CPT1B: variants seen among roughly 807,000 people sequenced by gnomAD.
CPT1B encodes carnitine palmitoyltransferase 1B.
A neutral mutation model predicts 92.7 loss-of-function variants in CPT1B; 57 were observed. The observed-to-expected ratio is 0.62, with a 90% CI of 0.50 to 0.77. CPT1B has a LOEUF of 0.77. CPT1B is among the 30% of genes least tolerant of loss of function. CPT1B has a pLI of 0.00. For missense variants in CPT1B, 983 were observed against 1,017.4 expected, an observed-to-expected ratio of 0.97 and a Z score of 0.46; for synonymous variants, 398 against 383.5, an observed-to-expected ratio of 1.04 and a Z score of -0.44.
rs778951761 is a variant in CPT1B at position 50,574,456 on chromosome 22, C to G, written c.885+37G>C. 4 of 1,613,536 alleles carry G rather than the reference C, an allele frequency of 2.5e-6. No homozygotes were observed. The African/African-American group carries it at 5.3e-5, about 22-fold the overall frequency. On this transcript the variant is annotated intron_variant, in intron 8 of 19. Transcript: ENST00000312108. ...CCCAGCATGGCTCAGACTCAGGTCT[C>G]CCCTCCCATCCCACCTTCAACCCTG...
At position 50,576,106 on chromosome 22, in the gene CPT1B, C is replaced by G. The variant is rs1240605149; in HGVS notation, c.706G>C (p.Asp236His). 1 of 1,614,008 alleles carries G rather than the reference C, an allele frequency of 6.2e-7. No individual in the cohort carries two copies. The highest frequency in any genetic ancestry group is 1.3e-5 in the African/African-American group (1 of 74,938). Residue 236 changes from aspartate to histidine, a missense_variant, in exon 7 of 20, where the codon GAC (aspartate) becomes CAC (histidine). Asp to His is a moderately conservative substitution (Grantham distance 81). Coordinates refer to ENST00000312108, the MANE Select transcript of CPT1B (RefSeq NM_152246.3). ...AGGTAGATGTACTCTTCCCACCAGT[C>G]ACTCACCTGTGGGGAGGTGGAAGGT... ...KSWWASNYVS[D>H]WWEEYIYLRG...
In CPT1B at chr22:50,573,158, G is replaced by T; in HGVS notation, c.1167-98C>A. On this transcript the variant is annotated intron_variant, in intron 10 of 19. Coordinates refer to ENST00000312108, the MANE Select transcript of CPT1B (RefSeq NM_152246.3). The surrounding 1 kb of genome is among the most constrained non-coding windows in gnomAD (Gnocchi z 5.0). ...CCTGGAGATGGGGGTGGGGTGCCAG[G>T]CTGGACCTGGAGATGGGGGGTACCA... 1 of 1,076,964 alleles carries T rather than the reference G, an allele frequency of 9.3e-7. No individual in the cohort carries two copies. The highest frequency in any genetic ancestry group is 1.3e-6 in the Non-Finnish European group (1 of 749,054). The allele number at this position is 1,076,964 out of a possible 1,614,324, so 66.7% of individuals were successfully genotyped here.
chr22:50,577,966 G>A (rs1379171400), intron 1 of CPT1B, 32 bp from the exon 2 acceptor site: 17 of 1,532,508 alleles, frequency 1.1e-5, no homozygotes, highest in Non-Finnish European at 1.4e-5. Context: ...GCGCGGGCGC[G>A]CTTAGGCCGG....
rs1017243048 is a variant in CPT1B at position 50,568,974 on chromosome 22, C to T, written c.*110G>A. ...ATTTCAAAGCAGGTCACACAAGTCCCTCATGAACAGTCTTCCAGCTTCAGC... is the reference window on the plus strand; with the variant it reads ...ATTTCAAAGCAGGTCACACAAGTCCTTCATGAACAGTCTTCCAGCTTCAGC... On this transcript the variant is annotated 3_prime_UTR_variant, in exon 20 of 20. Transcript: ENST00000312108. 4.5e-6 allele frequency: 1 copy of T among 223,238 alleles called. No homozygotes were observed. Among genetic ancestry groups the T allele is most frequent in the African/African-American group, 2.3e-5 (1 of 42,972 alleles). 13.8% of individuals were successfully genotyped at this position (223,238 alleles called of 1,614,324 possible).
Position 50,571,995 on chromosome 22 carries a change from T to C in CPT1B, c.1575+11A>G, listed in dbSNP as rs534608863. On this transcript the variant is annotated intron_variant, in intron 13 of 19. Transcript: ENST00000312108. ...GTGGTCTCACACCTGCTCTGGGAGC[T>C]TCCAACCCACCTGTTTTGGAATGTC... The C allele has an allele frequency of 2.5e-6, 4 of 1,612,518 alleles. No homozygotes were observed. The East Asian group carries it at 8.9e-5, about 36-fold the overall frequency.
At chr22:50,570,857 T>C in intron 16 of CPT1B, 34 bp downstream of exon 16, 1 of 1,603,006 alleles carries the variant, frequency 6.2e-7, no homozygotes, top group Non-Finnish European at 8.5e-7. Context: ...AGGAGGGCAG[T>C]GGGACAAAGG....
chr22:50,574,516 G>T lies in CPT1B; in HGVS notation c.862C>A (p.Leu288Met). 2 of 1,614,146 alleles carry T rather than the reference G, an allele frequency of 1.2e-6. No individual in the cohort carries two copies. The highest frequency in any genetic ancestry group is 8.5e-7 in the Non-Finnish European group (1 of 1,180,024). ...IHAMIMYRRKLDREEIKPVMA... is the reference protein window; with the variant it reads ...IHAMIMYRRKMDREEIKPVMA... ...ACAGGCTTGATTTCTTCACGGTCCA[G>T]TTTACGGCGATACATGATCATGGCG... The change falls in exon 8 of 20, where the codon CTG becomes ATG. Residue 288 changes from leucine to methionine, a missense_variant. Physicochemically the swap from Leu to Met is conservative, Grantham distance 15 (BLOSUM62 2). Coordinates refer to ENST00000312108, the MANE Select transcript of CPT1B (RefSeq NM_152246.3).
At position 50,574,325 on chromosome 22, in the gene CPT1B, G is replaced by C. The variant is rs768643876; in HGVS notation, c.970+10C>G. ...ATGGCCCACAGGTAGCAGCGAGGGG[G>C]CTCAGTTACCTGTGTCCTTGCCCGG... is the stretch of plus-strand genomic sequence containing the variant. On this transcript the variant is annotated intron_variant, in intron 9 of 19. Transcript: ENST00000312108. 2 of 1,606,940 alleles carry C rather than the reference G, an allele frequency of 1.2e-6. No homozygotes were observed. Among genetic ancestry groups the C allele is most frequent in the South Asian group, 2.2e-5 (2 of 90,166 alleles).
Position 50,571,430 on chromosome 22 carries a change from C to T in CPT1B, c.1685G>A (p.Cys562Tyr). 1 of 1,613,894 alleles carries T rather than the reference C, an allele frequency of 6.2e-7. No individual in the cohort carries two copies. Among genetic ancestry groups the T allele is most frequent in the Non-Finnish European group, 8.5e-7 (1 of 1,180,030 alleles). ...CACAAAGGCATCAGGGCTGGTCCGG[C>T]ACTTCTTGATGAGGCCTTTGCCAAA... ...LPFGKGLIKKCRTSPDAFVQI... is the reference protein window; with the variant it reads ...LPFGKGLIKKYRTSPDAFVQI... Residue 562 changes from cysteine (C) to tyrosine (Y), a missense_variant, in exon 14 of 20, where the codon TGC (cysteine) becomes TAC (tyrosine). By Grantham distance (194) the Cys-to-Tyr change is radical. Transcript: ENST00000312108.
rs1339575392 is a variant in CPT1B at position 50,574,543 on chromosome 22, GGAT to G, written c.832_834del (p.Ile278del). The G allele has an allele frequency of 4.3e-6, 7 of 1,614,016 alleles. No homozygotes were observed. The highest frequency in any genetic ancestry group is 5.9e-6 in the Non-Finnish European group (7 of 1,180,034). On this transcript the variant is annotated inframe_deletion, in exon 8 of 20. Transcript: ENST00000312108. ...TTACGGCGATACATGATCATGGCGT[GGAT>G]GATGTTTCCCAGGCGGGCTGCCTGC...
Position 50,573,548 on chromosome 22 carries a change from TCTC to T in CPT1B, c.1135_1137del (p.Glu379del), listed in dbSNP as rs2070287941. The stretch of plus-strand genomic sequence containing the variant: ...CCTCCTGCAGTGAGGGCTGCCAGCT[TCTC>T]CTCCCCAGGCTGAGGTGGGGAGGGG... On this transcript the variant is annotated inframe_deletion, in exon 10 of 20. Transcript: ENST00000312108. The surrounding 1 kb of genome is among the most constrained non-coding windows in gnomAD (Gnocchi z 5.0). 5.0e-6 allele frequency: 8 copies of T among 1,612,696 alleles called. No homozygotes were observed. Among genetic ancestry groups the T allele is most frequent in the Non-Finnish European group, 6.8e-6 (8 of 1,179,388 alleles).
chr22:50,576,640 G>C lies in CPT1B; in HGVS notation c.460-3C>G, dbSNP rs6520156. The C allele has an allele frequency of 3.1e-6, 5 of 1,610,600 alleles. No individual in the cohort carries two copies. Among genetic ancestry groups the C allele is most frequent in the East Asian group, 4.5e-5 (2 of 44,828 alleles). Reference sequence around the variant, plus strand: ...CTGGATAGAAGGCGGATACACATCTGGGGGTACAGAGCAGAGTGCTGGGGT... The same window carrying C: ...CTGGATAGAAGGCGGATACACATCTCGGGGTACAGAGCAGAGTGCTGGGGT... On this transcript the variant is annotated splice_region_variant and splice_polypyrimidine_tract_variant and intron_variant, in intron 4 of 19. Transcript: ENST00000312108.
intron 3 of CPT1B, 33 bp from the exon 4 acceptor site, chr22:50,577,067 C>T (rs1448785183): frequency 6.2e-7 from 1 of 1,608,458 alleles, no homozygotes. Context: ...GCAGGGGGTC[C>T]TCTTGAGGCC....
chr22:50,574,119 C>A lies in CPT1B; in HGVS notation c.970+216G>T, dbSNP rs527849458. On this transcript the variant is annotated intron_variant, in intron 9 of 19. Transcript: ENST00000312108. Reference sequence around the variant, plus strand: ...GCAGCAGGACTCCCTTCACCATGCGCAGTGAGCCCCGGAGGGGAGGGGCTC... The same window carrying A: ...GCAGCAGGACTCCCTTCACCATGCGAAGTGAGCCCCGGAGGGGAGGGGCTC... Among the ~76,000 whole-genome samples the A allele has an allele frequency of 9.8e-5, 15 of 152,352 alleles. No individual in the cohort carries two copies. The East Asian group carries it at 2.3e-3, about 24-fold the overall frequency.
At chr22:50,569,779 C>G in intron 17 of CPT1B, 111 bp from the exon 18 acceptor site, 2 of 904,020 alleles carry the variant, frequency 2.2e-6, no homozygotes, top group South Asian at 2.8e-5. Flanking sequence ...CGGGCCCCAG[C>G]CCTAGACACT....
Position 50,571,042 on chromosome 22 carries a change from TTCTGCGGGGCAGAAGTAA to T in CPT1B, c.1876-17_1876del, listed in dbSNP as rs778963185. The T allele has an allele frequency of 6.2e-7, 1 of 1,613,860 alleles. No homozygotes were observed. The highest frequency in any genetic ancestry group is 2.2e-5 in the East Asian group (1 of 44,890). Reference sequence around the variant, plus strand: ...CTGGAAGAGATCTCGCAGGTCTGCTTTCTGCGGGGCAGAAGTAAAGGGGTGAAGAGTAGCCCTGGCCCT... The same window carrying T: ...CTGGAAGAGATCTCGCAGGTCTGCTTAGGGGTGAAGAGTAGCCCTGGCCCT... On this transcript the variant is annotated splice_acceptor_variant and splice_polypyrimidine_tract_variant and coding_sequence_variant and intron_variant, in exon 16 of 20. Transcript: ENST00000312108. LOFTEE classifies it high-confidence loss of function.
In CPT1B at chr22:50,576,974, C is replaced by A. The variant is rs148805071; in HGVS notation, c.342G>T (p.Thr114=). The part of the protein sequence containing the change: ...RALLSMAIFS[T]GVWVTGIFFF... Reference sequence around the variant, plus strand: ...AGAAGATGCCCGTCACCCAGACGCCCGTGGAGAAGATGGCCATGCTGAGAA... The same window carrying A: ...AGAAGATGCCCGTCACCCAGACGCCAGTGGAGAAGATGGCCATGCTGAGAA... Residue 114 remains threonine (T), a synonymous_variant, in exon 4 of 20, where the codon ACG becomes ACT. Transcript: ENST00000312108. 2.0e-4 allele frequency: 321 copies of A among 1,614,066 alleles called. 1 individual carries two copies. The African/African-American group carries it at 3.9e-3, about 20-fold the overall frequency.
Position 50,574,413 on chromosome 22 carries a change from C to A in CPT1B, c.892G>T (p.Ala298Ser). ...GAGCACATAGGCACTATGCCCAGTG[C>A]CATCACCTGAGGGAAGGCCCAGCAT... ...LDREEIKPVM[A>S]LGIVPMCSYQ... The change falls in exon 9 of 20, where the codon GCA (alanine) becomes TCA (serine). Residue 298 changes from alanine (A) to serine (S), a missense_variant. Transcript: ENST00000312108. 1 of 1,614,106 alleles carries A rather than the reference C, an allele frequency of 6.2e-7. No homozygotes were observed. Among genetic ancestry groups the A allele is most frequent in the Non-Finnish European group, 8.5e-7 (1 of 1,180,012 alleles).
In CPT1B at chr22:50,576,882, G is replaced by A. The variant is rs1318846087; in HGVS notation, c.434C>T (p.Thr145Ile). The A allele has an allele frequency of 1.9e-6, 3 of 1,613,914 alleles. No individual in the cohort carries two copies. The highest frequency in any genetic ancestry group is 2.5e-6 in the Non-Finnish European group (3 of 1,180,036). The change falls in exon 4 of 20, where the codon ACC (threonine) becomes ATC (isoleucine). Residue 145 changes from threonine (T) to isoleucine (I), a missense_variant. By Grantham distance (89) the Thr-to-Ile change is moderately conservative. Coordinates refer to ENST00000312108, the MANE Select transcript of CPT1B (RefSeq NM_152246.3). ...AGCCCAGATCCTGGTCAAGTTGCTG[G>A]TCTTGCCATGCATCTCAAACATCCA... ...HGWMFEMHGK[T>I]SNLTRIWAMC...
Sources: allele counts gnomAD v4.1 joint callset (sites outside exome capture counted in the v4.1 genomes callset), GRCh38; gene constraint gnomAD v4.1.1; non-coding constraint Gnocchi (gnomAD v3.1); transcripts MANE v1.5; gene names NCBI Gene and HGNC (gene_info 2026-07-23, HGNC 2026-07-21).